HSD17B7: variants seen among roughly 807,000 people sequenced by gnomAD.
HSD17B7 encodes the protein hydroxysteroid 17-beta dehydrogenase 7.
In HSD17B7, 17 loss-of-function variants were observed where a neutral mutation model predicts 34.1. That is an observed-to-expected ratio of 0.50 (90% CI 0.34 to 0.75). The LOEUF (loss-of-function observed/expected upper bound fraction) is 0.75, where lower values mean the gene tolerates loss of function less well. HSD17B7 is among the 30% of genes least tolerant of loss of function. The pLI is 0.01. For synonymous variants in HSD17B7, 122 were observed against 154.6 expected, an observed-to-expected ratio of 0.79 and a Z score of 1.56; for missense variants, 296 against 406.6, an observed-to-expected ratio of 0.73 and a Z score of 2.34.
At chr1:162,808,789 G>T (rs939892274) in intron 8 of HSD17B7, among the ~76,000 whole-genome samples, 83 of 152,288 alleles carry the variant, frequency 5.5e-4, no homozygotes, top group Non-Finnish European at 1.1e-3. Flanking sequence ...TGGTGTATAA[G>T]AATGCTTGTG....
intron 2 of HSD17B7, among the ~76,000 whole-genome samples, chr1:162,795,449 G>A (rs931269234): frequency 1.2e-4 from 19 of 152,256 alleles, no homozygotes; most frequent in African/African-American, 3.9e-4. Flanking sequence ...TCCGTTCCTA[G>A]CCAAATATGT....
intron 3 of HSD17B7, chr1:162,797,065 A>G (rs1361319347): frequency 5.6e-6 from 1 of 178,194 alleles, no homozygotes; most frequent in Non-Finnish European, 1.2e-5. Context: ...GGTTGGGGAA[A>G]TGCAGACAAC....
chr1:162,807,109 G>A (rs990812939), intron 8 of HSD17B7, among the ~76,000 whole-genome samples: 3 of 152,130 alleles, frequency 2.0e-5, no homozygotes, highest in Admixed American at 6.5e-5. Flanking sequence ...ATCTCCTAAT[G>A]CTATCCCTCC....
chr1:162,809,087 A>G (rs547362380), intron 8 of HSD17B7, among the ~76,000 whole-genome samples: 1 of 152,298 alleles, frequency 6.6e-6, no homozygotes, highest in South Asian at 2.1e-4. Flanking sequence ...CCCATTCAGT[A>G]TGATATTGGC....
rs1231201339 is a variant in HSD17B7 at position 162,804,340 on chromosome 1, T to G, written c.804+17T>G. 1.3e-6 allele frequency: 2 copies of G among 1,481,850 alleles called. No homozygotes were observed. The highest frequency in any genetic ancestry group is 4.5e-5 in the East Asian group (2 of 44,180). 91.8% of individuals were successfully genotyped at this position (1,481,850 alleles called of 1,614,324 possible). On this transcript the variant is annotated intron_variant, in intron 7 of 8. Coordinates refer to ENST00000254521, the MANE Select transcript of HSD17B7 (RefSeq NM_016371.4). ...GAAGCTCTGGTATGTTACTGAAGTT[T>G]TTATAACTTGTATGATGACTTAGCA...
intron 8 of HSD17B7, among the ~76,000 whole-genome samples, chr1:162,805,769 C>T (rs193212848): frequency 1.2e-3 from 178 of 152,286 alleles, no homozygotes; most frequent in African/African-American, 4.2e-3. Context: ...TAGACCGGGC[C>T]TGGGTGCCTC....
intron 8 of HSD17B7, among the ~76,000 whole-genome samples, chr1:162,806,506 T>G (rs1648985144): frequency 2.0e-5 from 3 of 152,356 alleles, no homozygotes; most frequent in Admixed American, 2.0e-4. Flanking sequence ...TACATTCCCC[T>G]CTTTCAGAGA....
chr1:162,812,165 C>T (rs1294536051), intron 8 of HSD17B7, 133 bp from the exon 9 acceptor site: 13 of 1,146,848 alleles, frequency 1.1e-5, no homozygotes, highest in Middle Eastern at 2.6e-4. Flanking sequence ...GCTTCTTCCA[C>T]GTGTCTGCCA....
Position 162,796,570 on chromosome 1 carries a change from G to T in HSD17B7, c.240-15G>T, listed in dbSNP as rs1379396512. On this transcript the variant is annotated splice_polypyrimidine_tract_variant and intron_variant, in intron 2 of 8. Coordinates refer to ENST00000254521, the MANE Select transcript of HSD17B7 (RefSeq NM_016371.4). ...TACTTGCAACTCACAATCTTGTTTG[G>T]TGGTTTACTTGCAGGTTTCAGAGAT... is the stretch of plus-strand genomic sequence containing the variant. The T allele has an allele frequency of 2.0e-6, 3 of 1,517,370 alleles. No individual in the cohort carries two copies. In the East Asian group the frequency reaches 6.8e-5, roughly 34 times the overall value. 94.0% of individuals were successfully genotyped at this position (1,517,370 alleles called of 1,614,324 possible).
At chr1:162,793,887 ATT>A (rs3215683) in intron 2 of HSD17B7, among the ~76,000 whole-genome samples, 19 of 151,428 alleles carry the variant, frequency 1.3e-4, no homozygotes, top group African/African-American at 4.4e-4. Flanking sequence ...CCTAAGGGGT[ATT>A]TTTTTTCCCT....
chr1:162,799,052 T>G (rs997662674), intron 4 of HSD17B7: 1 of 174,740 alleles, frequency 5.7e-6, no homozygotes, highest in African/African-American at 2.4e-5. Flanking sequence ...CAATGCATAC[T>G]GGCTAGTGCT....
At chr1:162,794,675 T>G (rs1449964167) in intron 2 of HSD17B7, among the ~76,000 whole-genome samples, 3 of 152,062 alleles carry the variant, frequency 2.0e-5, no homozygotes, top group Non-Finnish European at 2.9e-5. Context: ...CCAAACTTTC[T>G]TAGCCAGCTG....
chr1:162,790,796 C>G lies in HSD17B7; in HGVS notation c.-5C>G, dbSNP rs189050827. 11 of 1,612,044 alleles carry G rather than the reference C, an allele frequency of 6.8e-6. No homozygotes were observed. Among genetic ancestry groups the G allele is most frequent in the Non-Finnish European group, 9.3e-6 (11 of 1,179,130 alleles). ...TTCACTGCTTGGAAGTGTGAGTGCGCGAAGATGCGAAAGGTGGTTTTGATC... is the reference window on the plus strand; with the variant it reads ...TTCACTGCTTGGAAGTGTGAGTGCGGGAAGATGCGAAAGGTGGTTTTGATC... On this transcript the variant is annotated 5_prime_UTR_variant, in exon 1 of 9. Coordinates refer to ENST00000254521, the MANE Select transcript of HSD17B7 (RefSeq NM_016371.4).
At chr1:162,800,675 T>G (rs1186594485) in intron 5 of HSD17B7, among the ~76,000 whole-genome samples, 1 of 152,220 alleles carries the variant, frequency 6.6e-6, no homozygotes, top group Non-Finnish European at 1.5e-5. Flanking sequence ...ATCTCCAGTC[T>G]TCGCCTTGGA....
intron 8 of HSD17B7, among the ~76,000 whole-genome samples, chr1:162,812,026 A>G (rs1396778088): frequency 2.0e-5 from 3 of 152,188 alleles, no homozygotes; most frequent in Non-Finnish European, 4.4e-5. Flanking sequence ...GTCTTCTGTT[A>G]CTGGGCATAT....
intron 8 of HSD17B7, among the ~76,000 whole-genome samples, chr1:162,806,316 T>G (rs114900999): frequency 0.012 from 1,853 of 152,256 alleles, 28 homozygotes; most frequent in African/African-American, 0.042. Context: ...GGCATTGATC[T>G]TGGCCTCTGT....
chr1:162,800,366 T>C (rs1648766849), intron 5 of HSD17B7: 9 of 438,486 alleles, frequency 2.1e-5, no homozygotes, highest in Non-Finnish European at 3.7e-5. Flanking sequence ...GAGCTCAGAA[T>C]TGAGCCCGAG....
In HSD17B7 at chr1:162,799,958, A is replaced by G. The variant is rs1648751153; in HGVS notation, c.642+21A>G. 4.3e-6 allele frequency: 7 copies of G among 1,609,216 alleles called. No individual in the cohort carries two copies. In the East Asian group the frequency reaches 1.6e-4, roughly 36 times the overall value. ...AGCAGGTAAGGCCTGTCTCAGTGAT[A>G]CGGAAATGGCAGAGGAGGGTTCTCT... On this transcript the variant is annotated intron_variant, in intron 5 of 8. Coordinates refer to ENST00000254521, the MANE Select transcript of HSD17B7 (RefSeq NM_016371.4).
At chr1:162,808,566 C>A (rs1649067495) in intron 8 of HSD17B7, among the ~76,000 whole-genome samples, 1 of 152,080 alleles carries the variant, frequency 6.6e-6, no homozygotes, top group Admixed American at 6.5e-5. Context: ...GGTAGTATGG[C>A]CATTTTCATG....
Sources: allele counts gnomAD v4.1 joint callset (sites outside exome capture counted in the v4.1 genomes callset), GRCh38; gene constraint gnomAD v4.1.1; transcripts MANE v1.5; gene names NCBI Gene and HGNC (gene_info 2026-07-23, HGNC 2026-07-21).